Variants in TENM3 observed in about 807,000 individuals in gnomAD.
The protein encoded by TENM3 is teneurin transmembrane protein 3.
TENM3 carries 63 observed loss-of-function variants against 255.1 expected under a neutral mutation model. That is an observed-to-expected ratio of 0.25 (90% CI 0.20 to 0.30). The LOEUF (loss-of-function observed/expected upper bound fraction) is 0.30, where lower values mean the gene tolerates loss of function less well. Among genes scored for constraint, TENM3 ranks in the 10% least tolerant of loss-of-function variants. TENM3 has a pLI of 1.00. For missense variants in TENM3, 2,929 were observed against 3,461.1 expected, an observed-to-expected ratio of 0.85 and a Z score of 3.86; for synonymous variants, 1,306 against 1,322.3, an observed-to-expected ratio of 0.99 and a Z score of 0.27.
At chr4:181,535,226 C>A in the TENM3 span, among the ~76,000 whole-genome samples, 3 of 152,188 alleles carry the variant, frequency 2.0e-5, no homozygotes, top group East Asian at 5.8e-4. Context: ...TCCCGACCCA[C>A]CAGGTGACCT....
the TENM3 span, among the ~76,000 whole-genome samples, chr4:181,984,549 T>C: frequency 1.3e-5 from 2 of 151,978 alleles, no homozygotes; most frequent in African/African-American, 4.8e-5. Context: ...ATTGTGTGTG[T>C]ATATGTGTTT....
chr4:181,989,915 G>A, the TENM3 span, among the ~76,000 whole-genome samples: 2 of 152,220 alleles, frequency 1.3e-5, no homozygotes, highest in African/African-American at 4.8e-5. Context: ...AAGAAATGCA[G>A]TTTCTCTAGT....
At chr4:182,161,967 A>ATATATG (rs1406053648) in intron 1 of TENM3, among the ~76,000 whole-genome samples, 1 of 17,920 alleles carries the variant, frequency 5.6e-5, no homozygotes, top group East Asian at 5.2e-4. Flanking sequence ...GTGTATATAT[A>ATATATG]TATATATATA....
At chr4:182,451,202 A>G (rs1022481174) in intron 3 of TENM3, among the ~76,000 whole-genome samples, 1 of 152,218 alleles carries the variant, frequency 6.6e-6, no homozygotes, top group Admixed American at 6.5e-5. Context: ...ATTTTTAATT[A>G]CCAAATAAAA....
chr4:181,770,543 C>A, the TENM3 span, among the ~76,000 whole-genome samples: 160 of 152,002 alleles, frequency 1.1e-3, 3 homozygotes, highest in South Asian at 0.031. Context: ...GGCGTGGTGG[C>A]GGGTGCCTGT....
the TENM3 span, among the ~76,000 whole-genome samples, chr4:181,696,628 A>T: frequency 6.6e-5 from 10 of 152,298 alleles, no homozygotes; most frequent in African/African-American, 2.2e-4. Flanking sequence ...AAGGGGCCAA[A>T]TTTGATTTAC....
intron 7 of TENM3, 127 bp downstream of exon 7, chr4:182,673,346 A>C: frequency 1.6e-6 from 1 of 627,432 alleles, no homozygotes; most frequent in South Asian, 2.2e-5. Context: ...TCTACAGTAG[A>C]AAGAGTTTTG....
chr4:181,685,795 G>A, the TENM3 span, among the ~76,000 whole-genome samples: 1 of 151,690 alleles, frequency 6.6e-6, no homozygotes, highest in Non-Finnish European at 1.5e-5. Flanking sequence ...AATAAGTCAA[G>A]TGGTTTCCCA....
At chr4:182,764,922 G>GT in intron 22 of TENM3, among the ~76,000 whole-genome samples, 1 of 152,278 alleles carries the variant, frequency 6.6e-6, no homozygotes, top group East Asian at 1.9e-4. Flanking sequence ...GGCAGTAGAG[G>GT]TCAGTCAGTC....
intron 5 of TENM3, among the ~76,000 whole-genome samples, chr4:182,638,154 G>T (rs557883542): frequency 6.6e-6 from 1 of 151,736 alleles, no homozygotes. Context: ...TATAATTGCC[G>T]CAAGAATCCC....
chr4:181,558,712 C>T, the TENM3 span, among the ~76,000 whole-genome samples: 21 of 152,206 alleles, frequency 1.4e-4, no homozygotes, highest in Non-Finnish European at 2.2e-4. Context: ...CCTGGCTATT[C>T]TCCAAATGCA....
chr4:182,246,381 T>G (rs1757650773), intron 1 of TENM3, among the ~76,000 whole-genome samples: 1 of 135,416 alleles, frequency 7.4e-6, no homozygotes, highest in African/African-American at 2.8e-5. Context: ...ACATTTTAGA[T>G]AAGCAGTGGA....
intron 1 of TENM3, among the ~76,000 whole-genome samples, chr4:182,158,756 T>C (rs866215523): frequency 1.3e-5 from 2 of 152,096 alleles, no homozygotes; most frequent in African/African-American, 4.8e-5. Context: ...TTAATACACC[T>C]ATTGTTTGGA....
the TENM3 span, among the ~76,000 whole-genome samples, chr4:181,987,409 C>G: frequency 6.6e-6 from 1 of 152,144 alleles, no homozygotes; most frequent in Non-Finnish European, 1.5e-5. Context: ...CTGACTGCAG[C>G]GCTAAACAAT....
the TENM3 span, among the ~76,000 whole-genome samples, chr4:182,076,083 T>A: frequency 1.4e-3 from 206 of 152,254 alleles, no homozygotes; most frequent in African/African-American, 4.7e-3. Flanking sequence ...CTAATTTTTT[T>A]ATTTTTTTAT....
the TENM3 span, among the ~76,000 whole-genome samples, chr4:181,512,862 G>A: frequency 2.0e-5 from 3 of 152,190 alleles, no homozygotes; most frequent in African/African-American, 7.2e-5. Flanking sequence ...AGCCCAGAAT[G>A]CATATTAGAC....
the TENM3 span, among the ~76,000 whole-genome samples, chr4:181,882,827 A>T: frequency 1.3e-5 from 2 of 152,198 alleles, no homozygotes; most frequent in Non-Finnish European, 2.9e-5. Context: ...GAAATGGGAG[A>T]TGTAACCTGT....
At chr4:181,447,825 C>G in the TENM3 span, among the ~76,000 whole-genome samples, 1 of 152,264 alleles carries the variant, frequency 6.6e-6, no homozygotes, top group South Asian at 2.1e-4. Context: ...TCTGGAAGAG[C>G]TTATTTTCTG....
At chr4:182,279,382 C>T (rs1477874757) in intron 1 of TENM3, among the ~76,000 whole-genome samples, 3 of 152,092 alleles carry the variant, frequency 2.0e-5, no homozygotes, top group Non-Finnish European at 4.4e-5. Context: ...TCGATCAGTA[C>T]TCCTCATAGT....
Sources: allele counts gnomAD v4.1 joint callset (sites outside exome capture counted in the v4.1 genomes callset), GRCh38; gene constraint gnomAD v4.1.1; transcripts MANE v1.5; gene names NCBI Gene and HGNC (gene_info 2026-07-23, HGNC 2026-07-21).